The following IQGAP2 variants were observed in gnomAD, a reference collection of about 807,000 sequenced individuals.
IQGAP2 encodes IQ motif containing GTPase activating protein 2.
Under a neutral mutation model 201.3 loss-of-function variants are expected in IQGAP2, and 173 were observed. The ratio of observed to expected loss-of-function variants is 0.86; its 90% confidence interval spans 0.76 to 0.98. The LOEUF is 0.98. Ranked by LOEUF, IQGAP2 falls within the 50% of genes least tolerant of loss-of-function variation. IQGAP2 has a pLI of 0.00. For synonymous variants in IQGAP2, 675 were observed against 673.9 expected (o/e 1.00, Z -0.03); for missense variants, 1,687 against 1,864.8 (o/e 0.90, Z 1.76).
intron 11 of IQGAP2, among the ~76,000 whole-genome samples, chr5:76,605,175 G>A (rs530919247): frequency 6.6e-6 from 1 of 152,126 alleles, no homozygotes; most frequent in Non-Finnish European, 1.5e-5. Context: ...TTGGAAAGTG[G>A]GAAAATTGAT....
chr5:76,634,049 G>C (rs1482915667), intron 15 of IQGAP2, among the ~76,000 whole-genome samples: 3 of 150,814 alleles, frequency 2.0e-5, no homozygotes, highest in South Asian at 4.2e-4. Context: ...ACTGATTTTT[G>C]TATATTGATC....
intron 2 of IQGAP2, among the ~76,000 whole-genome samples, chr5:76,469,205 C>T (rs1754972954): frequency 6.6e-6 from 1 of 152,066 alleles, no homozygotes; most frequent in African/African-American, 2.4e-5. Context: ...CTGGGAATTC[C>T]AGACAACTTA....
At chr5:76,568,601 A>AT (rs1423695388) in intron 3 of IQGAP2, among the ~76,000 whole-genome samples, 1 of 152,192 alleles carries the variant, frequency 6.6e-6, no homozygotes, top group Non-Finnish European at 1.5e-5. Flanking sequence ...CTGTGGTCAA[A>AT]CAAGATTAGG....
intron 13 of IQGAP2, among the ~76,000 whole-genome samples, chr5:76,620,956 T>C (rs1749597688): frequency 6.6e-6 from 1 of 152,226 alleles, no homozygotes. Flanking sequence ...TTTATTATTA[T>C]ATAACTTTTT....
chr5:76,423,765 G>C (rs1323829987), intron 1 of IQGAP2, among the ~76,000 whole-genome samples: 2 of 152,214 alleles, frequency 1.3e-5, no homozygotes, highest in Non-Finnish European at 2.9e-5. Context: ...TGAAGCCATG[G>C]TGGGCACTGA....
intron 1 of IQGAP2, among the ~76,000 whole-genome samples, chr5:76,449,387 G>A (rs933082327): frequency 6.6e-6 from 1 of 152,006 alleles, no homozygotes; most frequent in Admixed American, 6.6e-5. Context: ...TTTTTCCAAA[G>A]GAGCTTTATA....
intron 9 of IQGAP2, among the ~76,000 whole-genome samples, chr5:76,596,051 G>A (rs1472138463): frequency 6.6e-6 from 1 of 152,186 alleles, no homozygotes; most frequent in East Asian, 1.9e-4. Flanking sequence ...TTTAGGTTAA[G>A]TGTGAGTTTT....
At chr5:76,668,576 A>G (rs535529292) in intron 22 of IQGAP2, 105 bp from the exon 23 acceptor site, 1 of 848,664 alleles carries the variant, frequency 1.2e-6, no homozygotes, top group African/African-American at 1.7e-5. Flanking sequence ...AGTGACATTA[A>G]GTCATTGAAG....
chr5:76,441,190 G>T (rs966320482), intron 1 of IQGAP2, among the ~76,000 whole-genome samples: 2 of 152,186 alleles, frequency 1.3e-5, no homozygotes, highest in African/African-American at 4.8e-5. Context: ...TTTGTGAGGA[G>T]TTAATTAGTT....
intron 1 of IQGAP2, among the ~76,000 whole-genome samples, chr5:76,442,558 C>T (rs1242508966): frequency 6.6e-6 from 1 of 152,202 alleles, no homozygotes; most frequent in Non-Finnish European, 1.5e-5. Flanking sequence ...GATATGAGGA[C>T]GCACCTGGTC....
chr5:76,647,858 A>G (rs1752189792), intron 17 of IQGAP2, among the ~76,000 whole-genome samples: 1 of 139,058 alleles, frequency 7.2e-6, no homozygotes, highest in East Asian at 2.0e-4. Flanking sequence ...CACAAACGAA[A>G]AAAACTGTAA....
chr5:76,510,431 G>A (rs1206679962), intron 2 of IQGAP2: 3 of 288,532 alleles, frequency 1.0e-5, no homozygotes, highest in Non-Finnish European at 1.4e-5. Context: ...GCCCATACAG[G>A]CAGGGGTGGC....
At chr5:76,587,316 T>A (rs1474005628) in intron 5 of IQGAP2, among the ~76,000 whole-genome samples, 1 of 152,202 alleles carries the variant, frequency 6.6e-6, no homozygotes, top group Non-Finnish European at 1.5e-5. Flanking sequence ...GCTGGCAATT[T>A]TGTTTTCATG....
At chr5:76,626,270 C>CTTTTTTTTTTTTTTT (rs34251090) in intron 13 of IQGAP2, among the ~76,000 whole-genome samples, 16 of 83,652 alleles carry the variant, frequency 1.9e-4, no homozygotes, top group East Asian at 7.5e-4. Flanking sequence ...TTCTTCTTTT[C>CTTTTTTTTTTTTTTT]TTTTTTTTTT....
At chr5:76,673,778 A>G in intron 25 of IQGAP2, 174 bp from the exon 26 acceptor site, 1 of 690,782 alleles carries the variant, frequency 1.4e-6, no homozygotes, top group Middle Eastern at 3.0e-4. Context: ...TCAGTAGCAA[A>G]CACAGCTCAG....
chr5:76,593,340 A>G (rs951358949), intron 9 of IQGAP2, among the ~76,000 whole-genome samples: 2 of 134,580 alleles, frequency 1.5e-5, no homozygotes, highest in Non-Finnish European at 1.6e-5. Context: ...CTTCCCAGCC[A>G]TTAGTCTGTT....
intron 18 of IQGAP2, among the ~76,000 whole-genome samples, chr5:76,653,132 T>C (rs1244710658): frequency 6.6e-6 from 1 of 152,248 alleles, no homozygotes; most frequent in Non-Finnish European, 1.5e-5. Context: ...ATTTAGACTT[T>C]AGGTAGAACC....
intron 2 of IQGAP2, among the ~76,000 whole-genome samples, chr5:76,514,474 G>A (rs1464320014): frequency 6.6e-6 from 1 of 151,964 alleles, no homozygotes; most frequent in Non-Finnish European, 1.5e-5. Flanking sequence ...AGCTGCTTAC[G>A]TTTGGTCTAC....
At chr5:76,618,141 A>G (rs1400638590) in intron 13 of IQGAP2, 1 of 1,614,046 alleles carries the variant, frequency 6.2e-7, no homozygotes, top group Non-Finnish European at 8.5e-7. Context: ...GTAGCGGTTG[A>G]TGCTGATGCA....
Sources: gnomAD v4.1 joint callset for allele counts (sites outside exome capture counted in the v4.1 genomes callset) on GRCh38, gnomAD v4.1.1 for gene constraint, MANE v1.5 for transcripts, NCBI Gene and HGNC (gene_info 2026-07-23, HGNC 2026-07-21) for gene names.